TRAPPC9: variants seen among roughly 807,000 people sequenced by gnomAD.
The protein encoded by TRAPPC9 is IKK2 binding protein.
Under a neutral mutation model 124.0 loss-of-function variants are expected in TRAPPC9, and 83 were observed. The ratio of observed to expected loss-of-function variants is 0.67; its 90% CI spans 0.56 to 0.80. TRAPPC9 has a LOEUF of 0.80. Ranked by LOEUF, TRAPPC9 falls within the 30% of genes least tolerant of loss-of-function variation. The pLI, the probability that TRAPPC9 is intolerant of heterozygous loss-of-function variation, is 0.00. For missense variants in TRAPPC9, 1,302 were observed against 1,508.3 expected (o/e 0.86, Z 2.27); for synonymous variants, 638 against 617.5 (o/e 1.03, Z -0.49).
chr8:139,853,527 C>A (rs925737620), intron 21 of TRAPPC9, among the ~76,000 whole-genome samples: 3 of 152,182 alleles, frequency 2.0e-5, no homozygotes, highest in Admixed American at 2.0e-4. Context: ...TCAAGAAATG[C>A]TTGCTGACCG....
At chr8:140,305,481 TGGA>T in intron 10 of TRAPPC9, among the ~76,000 whole-genome samples, 1 of 152,256 alleles carries the variant, frequency 6.6e-6, no homozygotes, top group Non-Finnish European at 1.5e-5. Flanking sequence ...TTTGTATTTT[TGGA>T]AGAGATGGGG....
chr8:140,115,633 G>C (rs1283042040), intron 17 of TRAPPC9, among the ~76,000 whole-genome samples: 2 of 145,770 alleles, frequency 1.4e-5, no homozygotes, highest in Non-Finnish European at 3.0e-5. Context: ...ATGGTTGCCT[G>C]AATCTAAGGA....
At chr8:139,947,565 A>G (rs563527671) in intron 19 of TRAPPC9, among the ~76,000 whole-genome samples, 1 of 152,256 alleles carries the variant, frequency 6.6e-6, no homozygotes, top group South Asian at 2.1e-4. Flanking sequence ...ATAATTAAAA[A>G]TACAGTATTA....
chr8:140,255,615 G>A (rs1410643256), intron 15 of TRAPPC9, among the ~76,000 whole-genome samples: 1 of 152,240 alleles, frequency 6.6e-6, no homozygotes, highest in Non-Finnish European at 1.5e-5. Flanking sequence ...ACCGGGCGCA[G>A]TGACTCACAC....
chr8:140,363,951 C>T (rs1236429940), intron 8 of TRAPPC9, among the ~76,000 whole-genome samples: 4 of 151,954 alleles, frequency 2.6e-5, no homozygotes, highest in Non-Finnish European at 5.9e-5. Flanking sequence ...TAAGGAAGAA[C>T]AACAGAATTC....
Position 139,730,926 on chromosome 8 carries a change from G to A in TRAPPC9, c.*135C>T, listed in dbSNP as rs1257596698. On this transcript the variant is annotated 3_prime_UTR_variant, in exon 23 of 23. Coordinates refer to ENST00000438773, the MANE Select transcript of TRAPPC9 (RefSeq NM_001160372.4). ...CAAAGATGCTACAGGAGGAACAGGA[G>A]GAGAGGGCTGGGAGGGGTCTGGGGG... 22 of 981,072 alleles carry A rather than the reference G, an allele frequency of 2.2e-5. No homozygotes were observed. The highest frequency in any genetic ancestry group is 3.0e-5 in the Non-Finnish European group (20 of 666,798). The allele number at this position is 981,072 out of a possible 1,614,324, so 60.8% of individuals were successfully genotyped here.
At chr8:140,207,683 A>G (rs1477239752) in intron 17 of TRAPPC9, among the ~76,000 whole-genome samples, 4 of 152,242 alleles carry the variant, frequency 2.6e-5, no homozygotes, top group African/African-American at 9.6e-5. Flanking sequence ...TCGCGGTGAC[A>G]GCGTCTTGCA....
chr8:140,016,511 T>A (rs1287185622), intron 18 of TRAPPC9, among the ~76,000 whole-genome samples: 1 of 152,214 alleles, frequency 6.6e-6, no homozygotes, highest in Non-Finnish European at 1.5e-5. Context: ...AAACAGGTTT[T>A]CCTGTTCTAG....
chr8:140,073,786 G>A (rs550697379), intron 17 of TRAPPC9, among the ~76,000 whole-genome samples: 52 of 152,308 alleles, frequency 3.4e-4, no homozygotes, highest in Non-Finnish European at 4.9e-4. Flanking sequence ...ATGGCTCAAC[G>A]TTGATGATTA....
intron 21 of TRAPPC9, among the ~76,000 whole-genome samples, chr8:139,877,268 G>A (rs1168294053): frequency 6.6e-6 from 1 of 152,214 alleles, no homozygotes; most frequent in African/African-American, 2.4e-5. Context: ...ACTCAAATCC[G>A]CATGGCAAAT....
intron 13 of TRAPPC9, among the ~76,000 whole-genome samples, chr8:140,286,510 C>T (rs2065488425): frequency 6.6e-6 from 1 of 152,038 alleles, no homozygotes; most frequent in Non-Finnish European, 1.5e-5. Context: ...ATCTGCAAGA[C>T]CGGAAGGGGC....
At chr8:139,864,096 A>T (rs544958989) in intron 21 of TRAPPC9, among the ~76,000 whole-genome samples, 1 of 152,276 alleles carries the variant, frequency 6.6e-6, no homozygotes, top group Non-Finnish European at 1.5e-5. Flanking sequence ...CCTCTCCTGC[A>T]GCCCGAGGCT....
intron 21 of TRAPPC9, among the ~76,000 whole-genome samples, chr8:139,866,680 A>G (rs1828562078): frequency 6.6e-6 from 1 of 152,182 alleles, no homozygotes; most frequent in African/African-American, 2.4e-5. Context: ...AACCATAAGG[A>G]ACTGTGCAGT....
At chr8:139,745,695 C>T (rs1337828476) in intron 21 of TRAPPC9, among the ~76,000 whole-genome samples, 1 of 152,220 alleles carries the variant, frequency 6.6e-6, no homozygotes, top group African/African-American at 2.4e-5. Flanking sequence ...CCCTTGGGGA[C>T]AAACAGAGCA....
intron 1 of TRAPPC9, 108 bp downstream of exon 1, chr8:140,457,531 G>A: frequency 4.5e-6 from 4 of 889,536 alleles, no homozygotes; most frequent in Non-Finnish European, 4.0e-6. Flanking sequence ...ACAGGTGAGG[G>A]CCGGGCGAGC....
intron 16 of TRAPPC9, among the ~76,000 whole-genome samples, chr8:140,246,667 C>T (rs2063994407): frequency 6.6e-6 from 1 of 152,170 alleles, no homozygotes; most frequent in Admixed American, 6.5e-5. Flanking sequence ...TCTACCAAAA[C>T]AATTACAGAG....
chr8:139,962,787 A>G (rs1410472647), intron 19 of TRAPPC9, among the ~76,000 whole-genome samples: 1 of 118,874 alleles, frequency 8.4e-6, no homozygotes, highest in African/African-American at 2.6e-5. Flanking sequence ...CTTGAGCAGC[A>G]TAAGGGTCCT....
At chr8:140,392,545 G>C (rs1464062328) in intron 7 of TRAPPC9, among the ~76,000 whole-genome samples, 3 of 152,194 alleles carry the variant, frequency 2.0e-5, no homozygotes, top group Non-Finnish European at 4.4e-5. Flanking sequence ...CTGAAGCTCA[G>C]TCAGCATGAG....
chr8:139,755,818 G>T, intron 21 of TRAPPC9, among the ~76,000 whole-genome samples: 1 of 141,636 alleles, frequency 7.1e-6, no homozygotes, highest in South Asian at 2.3e-4. Flanking sequence ...TGGGGTATAA[G>T]GACAGCAGGT....
Sources: allele counts gnomAD v4.1 joint callset (sites outside exome capture counted in the v4.1 genomes callset), GRCh38; gene constraint gnomAD v4.1.1; transcripts MANE v1.5; gene names NCBI Gene and HGNC (gene_info 2026-07-23, HGNC 2026-07-21).